GC: variants seen among roughly 807,000 people sequenced by gnomAD.
GC encodes the protein vitamin D-binding protein.
In GC, 43 loss-of-function variants were observed where a neutral mutation model predicts 56.7. That is an observed-to-expected ratio of 0.76 (90% CI 0.59 to 0.98). The LOEUF is 0.98. Ranked by LOEUF, GC falls within the 50% of genes least tolerant of loss-of-function variation. The pLI is 0.00. For synonymous variants in GC, 216 were observed against 202.7 expected (o/e 1.07, Z -0.56); for missense variants, 529 against 545.9 (o/e 0.97, Z 0.31).
intron 1 of GC, among the ~76,000 whole-genome samples, chr4:71,803,712 A>T (rs979066803): frequency 6.6e-6 from 1 of 152,232 alleles, no homozygotes; most frequent in Non-Finnish European, 1.5e-5. Context: ...ATATGAATGG[A>T]TATAGATGAG....
intron 1 of GC, among the ~76,000 whole-genome samples, chr4:71,793,224 G>T (rs1210930308): frequency 6.6e-6 from 1 of 152,050 alleles, no homozygotes; most frequent in Non-Finnish European, 1.5e-5. Context: ...TGATGTGGTT[G>T]GCATTGAATC....
At chr4:71,754,330 G>A (rs1183499847) in intron 10 of GC, 81 bp downstream of exon 10, 1 of 699,172 alleles carries the variant, frequency 1.4e-6, no homozygotes, top group Non-Finnish European at 2.5e-6. Context: ...AAGCTTAAGT[G>A]TTCAACTATG....
intron 2 of GC, 82 bp downstream of exon 2, chr4:71,769,249 C>A: frequency 1.0e-6 from 1 of 1,001,174 alleles, no homozygotes; most frequent in South Asian, 1.4e-5. Flanking sequence ...GGATTAACCT[C>A]CATGCTGAGT....
chr4:71,777,368 G>T (rs993911769), intron 1 of GC, among the ~76,000 whole-genome samples: 1 of 151,322 alleles, frequency 6.6e-6, no homozygotes, highest in African/African-American at 2.4e-5. Flanking sequence ...GTCTTAGTAA[G>T]GCTAAAGAGA....
chr4:71,787,077 A>G (rs1742857897), upstream of GC, among the ~76,000 whole-genome samples: 1 of 151,890 alleles, frequency 6.6e-6, no homozygotes, highest in South Asian at 2.1e-4. Flanking sequence ...CTTGTAATAA[A>G]TCTCTTTTTA....
intron 1 of GC, among the ~76,000 whole-genome samples, chr4:71,801,032 A>C (rs1017892642): frequency 6.6e-6 from 1 of 152,244 alleles, no homozygotes; most frequent in Non-Finnish European, 1.5e-5. Flanking sequence ...TACTATCAAG[A>C]AAGTGAAATG....
chr4:71,768,209 G>T (rs1742218552), intron 3 of GC, 92 bp downstream of exon 3: 5 of 983,082 alleles, frequency 5.1e-6, no homozygotes, highest in Non-Finnish European at 4.4e-6. Context: ...AAATGGAGTT[G>T]CTGTCTAAAA....
At chr4:71,804,111 G>A, upstream of GC, 1 of 650,804 alleles carries the variant, frequency 1.5e-6, no homozygotes, top group Non-Finnish European at 2.8e-6. Context: ...TTAATTATAT[G>A]CCAGGTCTGT....
At position 71,758,188 on chromosome 4, in the gene GC, A is replaced by G. The variant is rs369308032; in HGVS notation, c.702-17T>C. On this transcript the variant is annotated splice_polypyrimidine_tract_variant and intron_variant, in intron 6 of 12. Transcript: ENST00000273951. The stretch of plus-strand genomic sequence containing the variant: ...ATGAGATTGCTAAACAGTTAAAAAT[A>G]AATATGTTAGCTTATCAACATTCTC... 4.4e-6 allele frequency: 7 copies of G among 1,605,836 alleles called. No individual in the cohort carries two copies. The African/African-American group carries it at 9.4e-5, about 22-fold the overall frequency.
intron 7 of GC, among the ~76,000 whole-genome samples, chr4:71,757,607 A>AATG (rs10667319): frequency 0.63 from 89,387 of 142,636 alleles, 27,032 homozygotes; most frequent in South Asian, 0.75. Context: ...CAATAATGAA[A>AATG]ATGATCTGTA....
intron 1 of GC, among the ~76,000 whole-genome samples, chr4:71,801,022 T>TACTA (rs1259683449): frequency 6.6e-6 from 1 of 152,198 alleles, no homozygotes; most frequent in African/African-American, 2.4e-5. Context: ...CTTCATAGGA[T>TACTA]ACTATCAAGA....
intron 4 of GC, among the ~76,000 whole-genome samples, chr4:71,764,871 C>T (rs1163369638): frequency 6.6e-6 from 1 of 152,044 alleles, no homozygotes; most frequent in Admixed American, 6.6e-5. Flanking sequence ...TTGTGACCTT[C>T]CAAGACTAAC....
At chr4:71,793,728 TG>T (rs932605215) in intron 1 of GC, among the ~76,000 whole-genome samples, 4 of 152,180 alleles carry the variant, frequency 2.6e-5, no homozygotes, top group African/African-American at 9.7e-5. Flanking sequence ...ATCCTTTTCT[TG>T]TGCTGGTTTT....
At chr4:71,763,291 G>A (rs900299454) in intron 6 of GC, 117 bp downstream of exon 6, 4 of 452,804 alleles carry the variant, frequency 8.8e-6, no homozygotes, top group African/African-American at 2.0e-5. Flanking sequence ...GATTATTGGA[G>A]CTGAAAAGTC....
At chr4:71,792,854 G>A (rs1036293126) in intron 1 of GC, among the ~76,000 whole-genome samples, 21 of 152,142 alleles carry the variant, frequency 1.4e-4, no homozygotes, top group African/African-American at 4.6e-4. Flanking sequence ...GTAAGGAAGG[G>A]ATCCAGTTTC....
chr4:71,768,129 T>C (rs1463165436), intron 3 of GC, among the ~76,000 whole-genome samples, 172 bp downstream of exon 3: 1 of 152,182 alleles, frequency 6.6e-6, no homozygotes. Context: ...ATGGGTAATA[T>C]TGACTCATTA....
upstream of GC, among the ~76,000 whole-genome samples, chr4:71,786,921 T>A (rs1742853281): frequency 6.6e-6 from 1 of 151,862 alleles, no homozygotes; most frequent in Non-Finnish European, 1.5e-5. Context: ...TCCTGATAAA[T>A]GACCTGACAA....
At chr4:71,805,412 T>C (rs557229189), upstream of GC, among the ~76,000 whole-genome samples, 165 of 152,302 alleles carry the variant, frequency 1.1e-3, 1 homozygote, top group African/African-American at 3.9e-3. Flanking sequence ...GCTGGGTTCA[T>C]GCTGCAGACC....
chr4:71,769,682 C>A, intron 1 of GC: 1 of 295,440 alleles, frequency 3.4e-6, no homozygotes, highest in African/African-American at 2.1e-5. Context: ...ACTAGTGAGT[C>A]AGAAGCTATT....
Sources: gnomAD v4.1 joint callset for allele counts (sites outside exome capture counted in the v4.1 genomes callset) on GRCh38, gnomAD v4.1.1 for gene constraint, MANE v1.5 for transcripts, NCBI Gene and HGNC (gene_info 2026-07-23, HGNC 2026-07-21) for gene names.